The following ATP8B4 variants were observed in gnomAD, a reference collection of about 807,000 sequenced individuals.
ATP8B4 encodes the protein ATPase phospholipid transporting 8B4 (putative), also known as probable phospholipid-transporting ATPase IM.
Under a neutral mutation model 145.6 loss-of-function variants are expected in ATP8B4, and 133 were observed. The observed-to-expected ratio is 0.91, with a 90% CI of 0.79 to 1.05. The LOEUF (loss-of-function observed/expected upper bound fraction) is 1.05, where lower values mean the gene tolerates loss of function less well. Among genes scored for constraint, ATP8B4 ranks in the 50% least tolerant of loss-of-function variants. The probability of loss-of-function intolerance (pLI) is 0.00; values close to 1 mark genes in which losing one functional copy is unlikely to be tolerated. For synonymous variants in ATP8B4, 507 were observed against 492.9 expected (o/e 1.03, Z -0.38); for missense variants, 1,458 against 1,425.2 (o/e 1.02, Z -0.37).
intron 6 of ATP8B4, among the ~76,000 whole-genome samples, chr15:50,012,379 A>G (rs539523974): frequency 1.2e-4 from 18 of 152,294 alleles, no homozygotes; most frequent in African/African-American, 4.3e-4. Context: ...CACCTGTCTC[A>G]GGAAGAAGTC....
At chr15:50,072,531 A>G (rs911030768) in intron 3 of ATP8B4, among the ~76,000 whole-genome samples, 6 of 152,206 alleles carry the variant, frequency 3.9e-5, no homozygotes, top group Admixed American at 1.3e-4. Flanking sequence ...AATGAAAAAA[A>G]TCCTCACTTA....
intron 10 of ATP8B4, among the ~76,000 whole-genome samples, chr15:49,983,514 C>G (rs2046332695): frequency 6.6e-5 from 10 of 152,288 alleles, no homozygotes; most frequent in Admixed American, 5.9e-4. Flanking sequence ...GGGACCATCA[C>G]CTCTCAACTG....
In ATP8B4 at chr15:50,106,997, C is replaced by G. The variant is rs1237867211; in HGVS notation, c.-31G>C. The G allele has an allele frequency of 6.4e-7, 1 of 1,553,208 alleles. No individual in the cohort carries two copies. The highest frequency in any genetic ancestry group is 2.1e-5 in the Admixed American group (1 of 48,764). On this transcript the variant is annotated 5_prime_UTR_variant, in exon 2 of 28. Transcript: ENST00000284509. ...TACCTGATCTTTCACCAGGTCTCAA[C>G]AGGTGGCCTACCTAAGAAAAAGAAG...
chr15:49,985,245 T>A (rs1055094292), intron 10 of ATP8B4, among the ~76,000 whole-genome samples: 1 of 151,960 alleles, frequency 6.6e-6, no homozygotes, highest in Non-Finnish European at 1.5e-5. Flanking sequence ...TACAGGCGCC[T>A]GCCAACACGC....
Position 50,085,652 on chromosome 15 carries a change from A to G in ATP8B4, c.29-11467T>C, listed in dbSNP as rs189585515. ...AGTAAGCCTGTGCAGAATTCTCCCA[A>G]TCATCAAACGTGTAAAATTATATGT... On this transcript the variant is annotated intron_variant, in intron 2 of 27. Transcript: ENST00000284509. Among the ~76,000 whole-genome samples the G allele has an allele frequency of 5.4e-3, 817 of 151,678 alleles. 3 individuals are homozygous for G. The highest frequency in any genetic ancestry group is 0.033 in the South Asian group (157 of 4,820).
At chr15:50,047,170 T>A (rs1034799496) in intron 4 of ATP8B4, among the ~76,000 whole-genome samples, 181 bp downstream of exon 4, 8 of 152,214 alleles carry the variant, frequency 5.3e-5, no homozygotes, top group African/African-American at 1.9e-4. Context: ...ATGTACTACT[T>A]TTTAACCATT....
chr15:49,882,525 C>T (rs1319104000), intron 23 of ATP8B4, among the ~76,000 whole-genome samples: 1 of 152,024 alleles, frequency 6.6e-6, no homozygotes, highest in African/African-American at 2.4e-5. Flanking sequence ...TATCATGTAT[C>T]GATATAACAG....
At chr15:49,985,676 C>CCCTGCTG (rs1304006074) in intron 10 of ATP8B4, among the ~76,000 whole-genome samples, 1 of 152,186 alleles carries the variant, frequency 6.6e-6, no homozygotes, top group Admixed American at 6.5e-5. Context: ...GTTCCTCTCT[C>CCCTGCTG]CCTGCTGCCT....
chr15:49,959,879 T>C (rs1396030866), intron 14 of ATP8B4, among the ~76,000 whole-genome samples: 2 of 152,078 alleles, frequency 1.3e-5, no homozygotes, highest in Non-Finnish European at 2.9e-5. Flanking sequence ...CTTCCTAAGA[T>C]AATCAATAAA....
chr15:50,123,533 G>T (rs180830406), upstream of ATP8B4, among the ~76,000 whole-genome samples: 21 of 152,240 alleles, frequency 1.4e-4, no homozygotes, highest in African/African-American at 4.8e-4. Flanking sequence ...TCAACCTCCT[G>T]TGATTTCATC....
At chr15:50,149,367 C>T (rs1461742337) in intron 1 of ATP8B4, among the ~76,000 whole-genome samples, 3 of 152,124 alleles carry the variant, frequency 2.0e-5, no homozygotes, top group Non-Finnish European at 1.5e-5. Context: ...AGACTGCTGA[C>T]CTCTCTTCCT....
chr15:49,972,950 C>A (rs537276826), intron 12 of ATP8B4, among the ~76,000 whole-genome samples, 160 bp from the exon 13 acceptor site: 1 of 152,302 alleles, frequency 6.6e-6, no homozygotes, highest in Non-Finnish European at 1.5e-5. Flanking sequence ...AGCTTCTCAA[C>A]AGAGTCTGTT....
chr15:49,933,946 A>C, intron 15 of ATP8B4, 71 bp downstream of exon 15: 1 of 1,419,912 alleles, frequency 7.0e-7, no homozygotes, highest in South Asian at 1.7e-5. Context: ...TAAATCCTTC[A>C]AATTTAGTGT....
At chr15:50,136,047 C>T (rs1267323874) in intron 1 of ATP8B4, among the ~76,000 whole-genome samples, 3 of 152,256 alleles carry the variant, frequency 2.0e-5, no homozygotes, top group South Asian at 2.1e-4. Flanking sequence ...TAAATGCACA[C>T]GAGTAGCAGC....
intron 23 of ATP8B4, among the ~76,000 whole-genome samples, chr15:49,882,989 CAG>C (rs2035658352): frequency 6.6e-6 from 1 of 152,234 alleles, no homozygotes; most frequent in Admixed American, 6.5e-5. Context: ...AGTGAGATTT[CAG>C]AGAGTAGGAA....
chr15:49,967,770 A>G (rs186881266), intron 13 of ATP8B4, among the ~76,000 whole-genome samples: 1 of 152,354 alleles, frequency 6.6e-6, no homozygotes, highest in African/African-American at 2.4e-5. Context: ...GAAAATACAG[A>G]GAACACCACA....
At chr15:50,102,530 C>G (rs2056427943) in intron 2 of ATP8B4, among the ~76,000 whole-genome samples, 1 of 152,048 alleles carries the variant, frequency 6.6e-6, no homozygotes, top group African/African-American at 2.4e-5. Context: ...TACAACCCTC[C>G]TAGATTAAAC....
At chr15:50,157,796 T>A (rs2044443358) in intron 1 of ATP8B4, among the ~76,000 whole-genome samples, 1 of 152,220 alleles carries the variant, frequency 6.6e-6, no homozygotes, top group Non-Finnish European at 1.5e-5. Context: ...GGTCTCCCTC[T>A]GATGCCAAGC....
At chr15:50,130,484 A>G (rs1422294553) in intron 1 of ATP8B4, among the ~76,000 whole-genome samples, 1 of 152,172 alleles carries the variant, frequency 6.6e-6, no homozygotes, top group Non-Finnish European at 1.5e-5. Context: ...CATCTAAAAA[A>G]TAAGAGTCTT....
Sources: allele counts gnomAD v4.1 joint callset (sites outside exome capture counted in the v4.1 genomes callset), GRCh38; gene constraint gnomAD v4.1.1; transcripts MANE v1.5; gene names NCBI Gene and HGNC (gene_info 2026-07-23, HGNC 2026-07-21).